ATG10: variants seen among roughly 807,000 people sequenced by gnomAD.
ATG10 encodes autophagy related 10.
In ATG10, 30 loss-of-function variants were observed where a neutral mutation model predicts 32.1. The ratio of observed to expected loss-of-function variants is 0.94; its 90% CI spans 0.70 to 1.27. The LOEUF is 1.27. Ranked by LOEUF, ATG10 falls within the 50% of genes most tolerant of loss-of-function variation. The probability of loss-of-function intolerance (pLI) is 0.00; values close to 1 mark genes in which losing one functional copy is unlikely to be tolerated. For synonymous variants in ATG10, 87 were observed against 91.5 expected, an observed-to-expected ratio of 0.95 and a Z score of 0.28; for missense variants, 233 against 262.3, an observed-to-expected ratio of 0.89 and a Z score of 0.77.
chr5:82,050,491 T>A lies in ATG10; in HGVS notation c.109-8004T>A, dbSNP rs538911419. The stretch of plus-strand genomic sequence containing the variant: ...ATATTTAGATTCTATTCAGTAACTA[T>A]AATTTAGTCCTCTGTGCTTTGTTTA... On this transcript the variant is annotated intron_variant, in intron 2 of 7. Coordinates refer to ENST00000282185, the MANE Select transcript of ATG10 (RefSeq NM_031482.5). 1.2e-4 allele frequency among the ~76,000 whole-genome samples: 18 copies of A among 152,232 alleles called. 1 individual carries two copies. The South Asian group carries it at 3.7e-3, about 32-fold the overall frequency.
intron 3 of ATG10, among the ~76,000 whole-genome samples, chr5:82,149,022 A>G (rs1041836865): frequency 2.0e-5 from 3 of 152,050 alleles, no homozygotes; most frequent in African/African-American, 4.8e-5. Context: ...TTTTATGCTA[A>G]TGACTCAAAT....
intron 5 of ATG10, among the ~76,000 whole-genome samples, chr5:82,208,007 A>G (rs1745363744): frequency 6.6e-6 from 1 of 152,194 alleles, no homozygotes. Context: ...TTAGTTTAGT[A>G]TGAGATACAA....
At chr5:82,204,652 A>G (rs111611454) in intron 5 of ATG10, among the ~76,000 whole-genome samples, 395 of 152,334 alleles carry the variant, frequency 2.6e-3, no homozygotes, top group African/African-American at 9.0e-3. Context: ...ATGATGGCCT[A>G]CATGGTAGCA....
intron 1 of ATG10, among the ~76,000 whole-genome samples, chr5:81,986,954 A>G (rs1040522427): frequency 6.6e-6 from 1 of 152,082 alleles, no homozygotes; most frequent in African/African-American, 2.4e-5. Context: ...GAGGTGGGAC[A>G]ATCACTTGAA....
chr5:82,169,399 GAGAAAATGA>G (rs1181633512), intron 4 of ATG10, among the ~76,000 whole-genome samples: 1 of 151,868 alleles, frequency 6.6e-6, no homozygotes, highest in African/African-American at 2.4e-5. Context: ...TAACCTCTTA[GAGAAAATGA>G]AGAAAATGAG....
At chr5:82,129,635 C>T (rs1766434265) in intron 3 of ATG10, among the ~76,000 whole-genome samples, 1 of 152,100 alleles carries the variant, frequency 6.6e-6, no homozygotes, top group Non-Finnish European at 1.5e-5. Flanking sequence ...TCCTGGAGGT[C>T]CACTCAAACC....
At chr5:82,080,503 A>G (rs1002921754) in intron 3 of ATG10, among the ~76,000 whole-genome samples, 6 of 152,160 alleles carry the variant, frequency 3.9e-5, no homozygotes, top group African/African-American at 1.4e-4. Context: ...TAGGTCTAAC[A>G]TTTAAGTCTT....
chr5:82,187,808 G>A (rs895867310), intron 5 of ATG10, among the ~76,000 whole-genome samples: 2 of 151,784 alleles, frequency 1.3e-5, no homozygotes, highest in African/African-American at 2.4e-5. Flanking sequence ...GGCTGGTCTC[G>A]AACTCCTGAC....
intron 2 of ATG10, among the ~76,000 whole-genome samples, chr5:82,028,117 A>G (rs76858816): frequency 0.014 from 2,153 of 152,314 alleles, 22 homozygotes; most frequent in Non-Finnish European, 0.023. Flanking sequence ...AAATTGTTTG[A>G]GGCCAATAAA....
rs1760792095 is a variant in ATG10, at chr5:81,973,653, TGGAA to T, written c.-13+1351_-13+1354del. Among the ~76,000 whole-genome samples, 4 of 152,328 alleles carry T rather than the reference TGGAA, an allele frequency of 2.6e-5. No individual in the cohort carries two copies. The South Asian group carries it at 8.3e-4, about 32-fold the overall frequency. On this transcript the variant is annotated intron_variant, in intron 1 of 7. Transcript: ENST00000282185. Reference sequence around the variant, plus strand: ...AAAAACAAGTTTATGCTTCTCAGGATGGAAGGACATAGGCCCTGTGTGGTACTCA... The same window carrying T: ...AAAAACAAGTTTATGCTTCTCAGGATGGACATAGGCCCTGTGTGGTACTCA...
At chr5:82,236,137 T>G (rs1746542492) in intron 5 of ATG10, among the ~76,000 whole-genome samples, 1 of 152,180 alleles carries the variant, frequency 6.6e-6, no homozygotes, top group African/African-American at 2.4e-5. Context: ...TTCTTGAGGC[T>G]GGTGGCTGGG....
intron 5 of ATG10, among the ~76,000 whole-genome samples, chr5:82,231,038 T>A (rs1361660768): frequency 6.6e-6 from 1 of 152,174 alleles, no homozygotes; most frequent in Non-Finnish European, 1.5e-5. Context: ...GTTCATGAAC[T>A]TCGTTGAGTG....
intron 3 of ATG10, among the ~76,000 whole-genome samples, chr5:82,090,908 A>G (rs913156190): frequency 2.0e-5 from 3 of 152,216 alleles, no homozygotes; most frequent in Non-Finnish European, 4.4e-5. Flanking sequence ...TAGGAGGATG[A>G]AGGTGCTTTT....
chr5:82,068,406 G>C (rs933167444), intron 3 of ATG10, among the ~76,000 whole-genome samples: 8 of 152,050 alleles, frequency 5.3e-5, no homozygotes, highest in African/African-American at 1.9e-4. Context: ...CATAGGATTG[G>C]GGGAGAGGGG....
intron 3 of ATG10, among the ~76,000 whole-genome samples, chr5:82,125,577 T>C (rs1259399877): frequency 1.3e-5 from 2 of 152,182 alleles, no homozygotes; most frequent in Non-Finnish European, 2.9e-5. Context: ...AAAGATCAGA[T>C]GGTTGTAGAT....
At chr5:82,063,521 C>T (rs1253882719) in intron 3 of ATG10, among the ~76,000 whole-genome samples, 3 of 148,580 alleles carry the variant, frequency 2.0e-5, no homozygotes, top group Admixed American at 6.7e-5. Context: ...GAAATAGAGT[C>T]TCACTCTGTT....
At chr5:82,145,623 C>T (rs760264384) in intron 3 of ATG10, among the ~76,000 whole-genome samples, 14 of 151,986 alleles carry the variant, frequency 9.2e-5, no homozygotes, top group Admixed American at 2.0e-4. Context: ...GATGTACATG[C>T]ACATTGTTAT....
At chr5:82,144,998 A>C (rs1438505782) in intron 3 of ATG10, among the ~76,000 whole-genome samples, 2 of 152,002 alleles carry the variant, frequency 1.3e-5, no homozygotes, top group Non-Finnish European at 2.9e-5. Context: ...ATGACTGATG[A>C]CTATTTGAAA....
At chr5:82,050,516 A>G (rs1216959492) in intron 2 of ATG10, among the ~76,000 whole-genome samples, 2 of 152,058 alleles carry the variant, frequency 1.3e-5, no homozygotes, top group Non-Finnish European at 1.5e-5. Flanking sequence ...TGCTTTGTTT[A>G]TAGGTTGATT....
Sources: allele counts gnomAD v4.1 joint callset (sites outside exome capture counted in the v4.1 genomes callset), GRCh38; gene constraint gnomAD v4.1.1; transcripts MANE v1.5; gene names NCBI Gene and HGNC (gene_info 2026-07-23, HGNC 2026-07-21).